The following PSPC1 variants were observed in gnomAD, a reference collection of about 807,000 sequenced individuals.
PSPC1 encodes the protein paraspeckle component 1.
Under a neutral mutation model 51.6 loss-of-function variants are expected in PSPC1, and 14 were observed. The observed-to-expected ratio is 0.27, with a 90% CI of 0.18 to 0.42. The LOEUF is 0.42. Ranked by LOEUF, PSPC1 falls within the 10% of genes least tolerant of loss-of-function variation. The pLI is 1.00. For synonymous variants in PSPC1, 193 were observed against 231.9 expected (o/e 0.83, Z 1.53); for missense variants, 406 against 701.1 (o/e 0.58, Z 4.75).
intron 2 of PSPC1, among the ~76,000 whole-genome samples, chr13:19,766,336 G>C (rs1202045817): frequency 5.3e-5 from 8 of 152,142 alleles, no homozygotes; most frequent in Admixed American, 5.2e-4. Flanking sequence ...ACATGCCACA[G>C]AACTGCACCC....
chr13:19,753,938 C>G (rs1485022182), intron 3 of PSPC1, among the ~76,000 whole-genome samples: 6 of 151,852 alleles, frequency 4.0e-5, no homozygotes, highest in Admixed American at 3.9e-4. Context: ...TACTGGTCAG[C>G]AGTTCCAAAG....
chr13:19,760,528 CAAA>C (rs1392875108), intron 2 of PSPC1, among the ~76,000 whole-genome samples: 7 of 108,974 alleles, frequency 6.4e-5, no homozygotes, highest in Non-Finnish European at 5.9e-5. Context: ...ACTCTGTCAC[CAAA>C]AAAAAAAAAA....
intron 3 of PSPC1, among the ~76,000 whole-genome samples, chr13:19,755,012 C>T (rs182246395): frequency 1.4e-3 from 219 of 152,170 alleles, no homozygotes; most frequent in Non-Finnish European, 2.7e-3. Context: ...GCAGGCAGAT[C>T]GCTTGAGCCC....
chr13:19,705,261 G>A (rs943671972), intron 8 of PSPC1, among the ~76,000 whole-genome samples: 5 of 152,244 alleles, frequency 3.3e-5, no homozygotes, highest in Non-Finnish European at 5.9e-5. Flanking sequence ...TTGGGAGGCC[G>A]AGGCGGGCGG....
At chr13:19,697,355 T>C (rs1001277700) in intron 6 of PSPC1, among the ~76,000 whole-genome samples, 2 of 152,194 alleles carry the variant, frequency 1.3e-5, no homozygotes, top group Non-Finnish European at 2.9e-5. Flanking sequence ...CTGTGGCTGC[T>C]GTCCCTTAAT....
chr13:19,706,236 T>TA (rs1348699470), intron 7 of PSPC1, among the ~76,000 whole-genome samples: 1 of 151,838 alleles, frequency 6.6e-6, no homozygotes, highest in Non-Finnish European at 1.5e-5. Context: ...AACCCATGGC[T>TA]AAAAATATTA....
intron 1 of PSPC1, among the ~76,000 whole-genome samples, chr13:19,781,711 C>A (rs1386435323): frequency 6.6e-6 from 1 of 152,154 alleles, no homozygotes; most frequent in African/African-American, 2.4e-5. Context: ...CAGGCCAAGG[C>A]AGGAGGATCG....
At chr13:19,736,808 T>TATA (rs1884886796) in intron 5 of PSPC1, among the ~76,000 whole-genome samples, 1 of 152,220 alleles carries the variant, frequency 6.6e-6, no homozygotes, top group Non-Finnish European at 1.5e-5. Flanking sequence ...TAACCCCTTG[T>TATA]ATAACCATAG....
Position 19,772,420 on chromosome 13 carries a change from C to G in PSPC1, c.496G>C (p.Val166Leu), listed in dbSNP as rs763615108. The change falls in exon 2 of 9, where the codon GTT becomes CTT. Residue 166 changes from valine (V) to leucine (L), a missense_variant. Physicochemically the swap from Val to Leu is conservative, Grantham distance 32. Coordinates refer to ENST00000338910, the MANE Select transcript of PSPC1 (RefSeq NM_001354909.2). ...TGCTCTAGCAGCTCATTGGAAACAA[C>G]TGGAGAAAGGTTCTTGACAGTCAAG... ...AALTVKNLSP[V>L]VSNELLEQAF... 1.9e-5 allele frequency: 30 copies of G among 1,614,210 alleles called. No individual in the cohort carries two copies. The highest frequency in any genetic ancestry group is 2.5e-5 in the Non-Finnish European group (29 of 1,180,048).
chr13:19,675,496 TGCCCCTGTAGCATGTTTTTAAATG>T, intron 7 of PSPC1: 1 of 152,320 alleles, frequency 6.6e-6, no homozygotes, highest in East Asian at 1.9e-4. Flanking sequence ...ACAGAAAATG[TGCCCCTGTAGCATGTTTTTAAATG>T]GCAAGTGCTA....
At chr13:19,705,482 ACTCT>A (rs1033951544) in intron 8 of PSPC1, among the ~76,000 whole-genome samples, 176 bp downstream of exon 8, 17 of 149,860 alleles carry the variant, frequency 1.1e-4, no homozygotes, top group South Asian at 4.2e-4. Context: ...ATAGTGCGAG[ACTCT>A]CTGTCTCAAA....
intron 4 of PSPC1, among the ~76,000 whole-genome samples, chr13:19,748,051 T>C (rs1177055835): frequency 2.0e-5 from 3 of 152,048 alleles, no homozygotes; most frequent in African/African-American, 7.2e-5. Context: ...CCATCTCTAC[T>C]AAAAATACAA....
chr13:19,704,739 T>C (rs1173634795), intron 8 of PSPC1, among the ~76,000 whole-genome samples: 1 of 152,120 alleles, frequency 6.6e-6, no homozygotes, highest in African/African-American at 2.4e-5. Flanking sequence ...TTAAATATAA[T>C]AAAAATTACA....
intron 4 of PSPC1, among the ~76,000 whole-genome samples, chr13:19,744,759 T>C (rs953177060): frequency 3.3e-5 from 5 of 152,134 alleles, no homozygotes; most frequent in African/African-American, 1.2e-4. Context: ...GAGATGAGGT[T>C]TCACCATCTT....
At chr13:19,695,904 T>TA (rs138117319) in intron 6 of PSPC1, among the ~76,000 whole-genome samples, 1,867 of 141,808 alleles carry the variant, frequency 0.013, 13 homozygotes, top group Non-Finnish European at 0.016. Context: ...TTAGAAGAGA[T>TA]AAAAAAAAAA....
intron 6 of PSPC1, among the ~76,000 whole-genome samples, chr13:19,693,313 G>T (rs1023455574): frequency 1.3e-5 from 2 of 152,184 alleles, no homozygotes; most frequent in Non-Finnish European, 1.5e-5. Flanking sequence ...GGTTTTCAAA[G>T]AACTTTCTAT....
intron 1 of PSPC1, among the ~76,000 whole-genome samples, chr13:19,776,152 T>G (rs543781817): frequency 6.6e-6 from 1 of 152,212 alleles, no homozygotes; most frequent in South Asian, 2.1e-4. Context: ...AACAGACATA[T>G]ACATTTGTCA....
At chr13:19,765,501 T>C (rs1339050966) in intron 2 of PSPC1, among the ~76,000 whole-genome samples, 1 of 57,176 alleles carries the variant, frequency 1.7e-5, no homozygotes, top group South Asian at 8.4e-4. Context: ...GATCTAATTT[T>C]TTTTTTTTTT....
At chr13:19,698,337 T>A (rs1388867273), downstream of PSPC1, among the ~76,000 whole-genome samples, 3 of 152,012 alleles carry the variant, frequency 2.0e-5, no homozygotes, top group African/African-American at 4.8e-5. Flanking sequence ...GATTAAGGTA[T>A]CTATTTCAAA....
Sources: allele counts gnomAD v4.1 joint callset (sites outside exome capture counted in the v4.1 genomes callset), GRCh38; gene constraint gnomAD v4.1.1; transcripts MANE v1.5; gene names NCBI Gene and HGNC (gene_info 2026-07-23, HGNC 2026-07-21).